AUTS2: variants seen among roughly 807,000 people sequenced by gnomAD.
The protein encoded by AUTS2 is autism susceptibility gene 2 protein.
In AUTS2, 17 loss-of-function variants were observed where a neutral mutation model predicts 112.4. That is an observed-to-expected ratio of 0.15 (90% CI 0.10 to 0.23). The LOEUF is 0.23. Ranked by LOEUF, AUTS2 falls within the 10% of genes least tolerant of loss-of-function variation. The pLI is 1.00. For missense variants in AUTS2, 1,510 were observed against 1,701.6 expected (o/e 0.89, Z 1.98); for synonymous variants, 751 against 702.7 (o/e 1.07, Z -1.09).
chr7:70,566,852 C>T (rs1801729167), intron 5 of AUTS2, among the ~76,000 whole-genome samples: 2 of 152,178 alleles, frequency 1.3e-5, no homozygotes, highest in Admixed American at 1.3e-4. Context: ...ATTTCTGGTA[C>T]GAATTTCGCA....
intron 1 of AUTS2, among the ~76,000 whole-genome samples, chr7:69,612,356 T>C (rs1482667083): frequency 6.6e-6 from 1 of 152,214 alleles, no homozygotes; most frequent in African/African-American, 2.4e-5. Flanking sequence ...TAATTTTTCC[T>C]TGGTCTGTTT....
At chr7:70,129,262 G>T (rs1015813767) in intron 3 of AUTS2, among the ~76,000 whole-genome samples, 5 of 152,172 alleles carry the variant, frequency 3.3e-5, no homozygotes, top group Non-Finnish European at 5.9e-5. Flanking sequence ...GCACAATAAA[G>T]AACTGATGTC....
chr7:70,741,746 C>T (rs1339820466), intron 6 of AUTS2, among the ~76,000 whole-genome samples: 2 of 151,458 alleles, frequency 1.3e-5, no homozygotes, highest in Non-Finnish European at 2.9e-5. Flanking sequence ...ATGGCATCTA[C>T]CTTGTAAAAA....
chr7:69,839,597 T>C (rs981117389), intron 1 of AUTS2, among the ~76,000 whole-genome samples: 12 of 152,172 alleles, frequency 7.9e-5, no homozygotes, highest in Non-Finnish European at 1.3e-4. Context: ...CTGAAGCTTA[T>C]ATTCTTTTAG....
intron 1 of AUTS2, among the ~76,000 whole-genome samples, chr7:69,758,210 G>T (rs142443592): frequency 6.6e-6 from 1 of 152,294 alleles, no homozygotes; most frequent in African/African-American, 2.4e-5. Flanking sequence ...ACACAGCCTG[G>T]GTGGGTGTTT....
chr7:69,989,055 A>G (rs1242915955), intron 2 of AUTS2, among the ~76,000 whole-genome samples: 1 of 152,220 alleles, frequency 6.6e-6, no homozygotes, highest in Non-Finnish European at 1.5e-5. Flanking sequence ...ATGTGGGTTA[A>G]GAAATACTTT....
chr7:69,891,048 A>G (rs1421683401), intron 1 of AUTS2, among the ~76,000 whole-genome samples: 5 of 152,194 alleles, frequency 3.3e-5, no homozygotes, highest in Non-Finnish European at 5.9e-5. Flanking sequence ...ATGAGTTTTG[A>G]CATGTGTATA....
At chr7:70,770,152 T>A (rs1790244301) in intron 10 of AUTS2, among the ~76,000 whole-genome samples, 1 of 152,130 alleles carries the variant, frequency 6.6e-6, no homozygotes, top group Non-Finnish European at 1.5e-5. Context: ...GATTAGGACA[T>A]TATAAGGGGA....
At chr7:69,828,043 A>AG (rs1218938824) in intron 1 of AUTS2, among the ~76,000 whole-genome samples, 1 of 152,242 alleles carries the variant, frequency 6.6e-6, no homozygotes, top group African/African-American at 2.4e-5. Context: ...TTGGGAAACA[A>AG]GGTTGATAGC....
At chr7:70,051,704 A>G (rs1322863438) in intron 2 of AUTS2, among the ~76,000 whole-genome samples, 1 of 152,166 alleles carries the variant, frequency 6.6e-6, no homozygotes, top group Non-Finnish European at 1.5e-5. Flanking sequence ...GGGCAACAAG[A>G]ACAAAACTCC....
intron 6 of AUTS2, among the ~76,000 whole-genome samples, chr7:70,721,335 G>A (rs1786658059): frequency 6.9e-6 from 1 of 144,942 alleles, no homozygotes; most frequent in Admixed American, 7.1e-5. Flanking sequence ...TCTCACTCTT[G>A]TTGCCCAGGC....
At chr7:70,206,104 G>C (rs1300806443) in intron 4 of AUTS2, among the ~76,000 whole-genome samples, 3 of 152,136 alleles carry the variant, frequency 2.0e-5, no homozygotes. Flanking sequence ...TAATTAAGTG[G>C]CATTAGAACT....
At chr7:70,662,428 C>T (rs1405492928) in intron 5 of AUTS2, among the ~76,000 whole-genome samples, 1 of 152,138 alleles carries the variant, frequency 6.6e-6, no homozygotes, top group African/African-American at 2.4e-5. Context: ...TCCTCATTTC[C>T]AAACCCAGCA....
intron 4 of AUTS2, among the ~76,000 whole-genome samples, chr7:70,407,687 G>C (rs1394288171): frequency 2.6e-5 from 4 of 152,140 alleles, no homozygotes; most frequent in African/African-American, 9.7e-5. Flanking sequence ...GGGAGGCTAA[G>C]GTAGGAGGAT....
intron 6 of AUTS2, among the ~76,000 whole-genome samples, chr7:70,741,813 T>A (rs777268172): frequency 2.0e-5 from 3 of 151,888 alleles, no homozygotes; most frequent in African/African-American, 4.8e-5. Flanking sequence ...GTGGTTATAG[T>A]GGCGTGGTGG....
At chr7:69,753,693 A>G (rs1271264703) in intron 1 of AUTS2, among the ~76,000 whole-genome samples, 1 of 152,234 alleles carries the variant, frequency 6.6e-6, no homozygotes, top group Non-Finnish European at 1.5e-5. Context: ...GTGCTTATCC[A>G]AAAGTCAATT....
intron 5 of AUTS2, among the ~76,000 whole-genome samples, chr7:70,538,217 A>T (rs1800400904): frequency 1.3e-5 from 2 of 152,118 alleles, no homozygotes; most frequent in Non-Finnish European, 2.9e-5. Flanking sequence ...AGCCTGGGTG[A>T]CAGAGTGAGA....
chr7:70,125,980 G>T (rs1195604256), intron 3 of AUTS2, among the ~76,000 whole-genome samples: 1 of 152,062 alleles, frequency 6.6e-6, no homozygotes, highest in Non-Finnish European at 1.5e-5. Context: ...TAGGAGCTTT[G>T]GCAGTTGAGA....
intron 6 of AUTS2, among the ~76,000 whole-genome samples, chr7:70,701,497 A>G (rs186618021): frequency 9.2e-4 from 140 of 152,306 alleles, no homozygotes; most frequent in African/African-American, 3.2e-3. Context: ...AGTATATTTT[A>G]TATCACGTTT....
Sources: gnomAD v4.1 joint callset for allele counts (sites outside exome capture counted in the v4.1 genomes callset) on GRCh38, gnomAD v4.1.1 for gene constraint, MANE v1.5 for transcripts, NCBI Gene and HGNC (gene_info 2026-07-23, HGNC 2026-07-21) for gene names.